The following RRAGB variants were observed in gnomAD, a reference collection of about 807,000 sequenced individuals.
RRAGB encodes the protein ras-related GTP-binding protein B.
Under a neutral mutation model 29.3 loss-of-function variants are expected in RRAGB, and 6 were observed. The ratio of observed to expected loss-of-function variants is 0.21; its 90% CI spans 0.11 to 0.40. The LOEUF is 0.40. Among genes scored for constraint, RRAGB ranks in the 10% least tolerant of loss-of-function variants. The pLI is 1.00. For synonymous variants in RRAGB, 101 were observed against 92.5 expected (o/e 1.09, Z -0.53); for missense variants, 184 against 272.9 (o/e 0.67, Z 2.29).
Position 55,747,356 on chromosome X carries a change from C to T in RRAGB, c.517-3745C>T, listed in dbSNP as rs189979433. On this transcript the variant is annotated intron_variant, in intron 5 of 9. Coordinates refer to ENST00000374941, the MANE Select transcript of RRAGB (RefSeq NM_006064.5). ...GCCCTGTGAGGTTGTGAATTCAGTT[C>T]GCATTGTAATTCATCCACTTAAAGG... Among the ~76,000 whole-genome samples the T allele has an allele frequency of 7.6e-4, 85 of 112,361 alleles. 1 individual carries two copies. The highest frequency in any genetic ancestry group is 1.3e-3 in the Non-Finnish European group (70 of 53,293).
intron 5 of RRAGB, among the ~76,000 whole-genome samples, chrX:55,732,729 C>T (rs5914433): frequency 0.3 from 32,877 of 110,523 alleles, 3,762 homozygotes; most frequent in Middle Eastern, 0.46. Flanking sequence ...CTGTTTAATA[C>T]CTAATAATTA....
chrX:55,723,518 A>G (rs745955319), intron 3 of RRAGB, among the ~76,000 whole-genome samples: 6 of 106,598 alleles, frequency 5.6e-5, no homozygotes, highest in Non-Finnish European at 9.6e-5. Context: ...GAGGATAGTC[A>G]GTGTCTCAGT....
intron 5 of RRAGB, among the ~76,000 whole-genome samples, chrX:55,737,239 C>T (rs184860383): frequency 1.9e-3 from 215 of 112,475 alleles, no homozygotes; most frequent in African/African-American, 6.6e-3. Flanking sequence ...TCCCAGTGTT[C>T]TGGATATTCA....
intron 8 of RRAGB, among the ~76,000 whole-genome samples, chrX:55,756,524 C>T (rs1047434236): frequency 8.9e-6 from 1 of 112,255 alleles, no homozygotes; most frequent in African/African-American, 3.2e-5. Context: ...AGTTTACTCT[C>T]TTTATGCCTT....
At chrX:55,746,022 A>C (rs2034233337) in intron 5 of RRAGB, among the ~76,000 whole-genome samples, 1 of 111,031 alleles carries the variant, frequency 9.0e-6, no homozygotes, top group Non-Finnish European at 1.9e-5. Context: ...TCTGTAACGC[A>C]CAGTCACCCT....
chrX:55,739,048 G>C (rs888204870), intron 5 of RRAGB, among the ~76,000 whole-genome samples: 1 of 112,580 alleles, frequency 8.9e-6, no homozygotes, highest in African/African-American at 3.2e-5. Context: ...GCAGGTGTCA[G>C]TGAGACCCAC....
chrX:55,736,307 C>T (rs2033861562), intron 5 of RRAGB, among the ~76,000 whole-genome samples: 1 of 111,910 alleles, frequency 8.9e-6, no homozygotes, highest in Admixed American at 9.4e-5. Context: ...TCTTTTAATT[C>T]CTTTTTTAAA....
intron 4 of RRAGB, among the ~76,000 whole-genome samples, chrX:55,731,150 A>G (rs1226890156): frequency 9.0e-6 from 1 of 111,616 alleles, no homozygotes; most frequent in Non-Finnish European, 1.9e-5. Context: ...AAGGGGCTGC[A>G]CCAAATGATT....
At chrX:55,729,679 C>G (rs148255565) in intron 4 of RRAGB, among the ~76,000 whole-genome samples, 1,940 of 111,788 alleles carry the variant, frequency 0.017, 35 homozygotes, top group African/African-American at 0.061. Context: ...GAGCTCTTAG[C>G]TGTCACACCA....
chrX:55,753,290 C>A, intron 6 of RRAGB, 102 bp from the exon 7 acceptor site: 1 of 644,571 alleles, frequency 1.6e-6, no homozygotes, highest in Non-Finnish European at 2.3e-6. Context: ...ACTGGATTAT[C>A]ATCATATTTT....
chrX:55,722,116 G>A, intron 2 of RRAGB, 70 bp from the exon 3 acceptor site: 1 of 575,081 alleles, frequency 1.7e-6, no homozygotes, highest in Non-Finnish European at 2.8e-6. Flanking sequence ...GAGAGAAATA[G>A]ATCCCTTTAG....
At chrX:55,737,282 A>T (rs189940975) in intron 5 of RRAGB, among the ~76,000 whole-genome samples, 6 of 112,577 alleles carry the variant, frequency 5.3e-5, no homozygotes. Context: ...ATCTGCAGGA[A>T]TGCTGACATT....
intron 4 of RRAGB, among the ~76,000 whole-genome samples, chrX:55,731,023 A>C (rs2033661004): frequency 9.0e-6 from 1 of 111,043 alleles, no homozygotes; most frequent in South Asian, 3.8e-4. Context: ...CACATAGTGG[A>C]TAAACCATGT....
At chrX:55,730,315 ATCCT>A (rs770856620) in intron 4 of RRAGB, among the ~76,000 whole-genome samples, 4 of 112,136 alleles carry the variant, frequency 3.6e-5, no homozygotes, top group African/African-American at 6.5e-5. Context: ...CTCCATACAA[ATCCT>A]TCCTCATTAT....
rs758435983 is a variant in RRAGB, at chrX:55,753,457, T to C, written c.678T>C (p.Asn226=). The change falls in exon 7 of 10, where the codon AAT becomes AAC. Residue 226 remains asparagine, a synonymous_variant. Coordinates refer to ENST00000374941, the MANE Select transcript of RRAGB (RefSeq NM_006064.5). The part of the protein sequence containing the change: ...NVQQLEMNLR[N]FAEIIEADEV... The stretch of plus-strand genomic sequence containing the variant: ...AGCAGCTGGAAATGAACCTAAGGAA[T>C]TTTGCTGAAATTATCGAAGCTGATG... The C allele has an allele frequency of 8.3e-6, 10 of 1,202,370 alleles. No homozygotes were observed. Among genetic ancestry groups the C allele is most frequent in the Non-Finnish European group, 1.1e-5 (10 of 888,949 alleles).
In RRAGB at chrX:55,719,370, A is replaced by G. The variant is rs369735980; in HGVS notation, c.126+23A>G. On this transcript the variant is annotated intron_variant, in intron 2 of 9. Coordinates refer to ENST00000374941, the MANE Select transcript of RRAGB (RefSeq NM_006064.5). ...AAGGTAAGACGTGTTAGATACGTCA[A>G]AACCATGAAGGTAAAGGTAAGAAGT... 1.2e-5 allele frequency: 14 copies of G among 1,135,485 alleles called. No homozygotes were observed. The African/African-American group carries it at 1.3e-4, about 10-fold the overall frequency. The allele number at this position is 1,135,485 out of a possible 1,213,427, so 93.6% of individuals were successfully genotyped here.
At chrX:55,731,690 C>A in intron 5 of RRAGB, 104 bp downstream of exon 5, 1 of 530,870 alleles carries the variant, frequency 1.9e-6, no homozygotes, top group Non-Finnish European at 3.0e-6. Context: ...AATAAAAAGT[C>A]AGCAGAAGTT....
At chrX:55,739,601 C>CT (rs2033983188) in intron 5 of RRAGB, among the ~76,000 whole-genome samples, 1 of 111,950 alleles carries the variant, frequency 8.9e-6, no homozygotes. Context: ...TTGTCTCCCC[C>CT]TTTCATGCTC....
intron 3 of RRAGB, among the ~76,000 whole-genome samples, chrX:55,723,882 C>T (rs2033383096): frequency 8.9e-6 from 1 of 112,231 alleles, no homozygotes; most frequent in Non-Finnish European, 1.9e-5. Context: ...ATCATGTCTT[C>T]CTTAAGTTAA....
Sources: gnomAD v4.1 joint callset for allele counts (sites outside exome capture counted in the v4.1 genomes callset) on GRCh38, gnomAD v4.1.1 for gene constraint, MANE v1.5 for transcripts, NCBI Gene and HGNC (gene_info 2026-07-23, HGNC 2026-07-21) for gene names.